Variants in HSD11B1 observed in about 807,000 individuals in gnomAD.
HSD11B1 encodes the protein hydroxysteroid 11-beta dehydrogenase 1.
A neutral mutation model predicts 22.1 loss-of-function variants in HSD11B1; 15 were observed. The ratio of observed to expected loss-of-function variants is 0.68; its 90% confidence interval spans 0.45 to 1.04. The LOEUF (loss-of-function observed/expected upper bound fraction) is 1.04, where lower values mean the gene tolerates loss of function less well. Ranked by LOEUF, HSD11B1 falls within the 50% of genes least tolerant of loss-of-function variation. The pLI is 0.00. For missense variants in HSD11B1, 281 were observed against 357.6 expected, an observed-to-expected ratio of 0.79 and a Z score of 1.73; for synonymous variants, 122 against 125.2, an observed-to-expected ratio of 0.97 and a Z score of 0.17.
At chr1:209,687,083 A>T (rs962669764) in intron 1 of HSD11B1, among the ~76,000 whole-genome samples, 2 of 152,220 alleles carry the variant, frequency 1.3e-5, no homozygotes, top group African/African-American at 4.8e-5. Context: ...ACTTGCCATC[A>T]ATAGACCATA....
At chr1:209,701,196 C>T (rs911172375), upstream of HSD11B1, among the ~76,000 whole-genome samples, 5 of 152,132 alleles carry the variant, frequency 3.3e-5, no homozygotes, top group African/African-American at 1.2e-4. Context: ...AAGACATACC[C>T]GAAACCAGGA....
Position 209,706,974 on chromosome 1 carries a change from C to A in HSD11B1, c.363C>A (p.Ile121=), listed in dbSNP as rs1669872597. 6.2e-6 allele frequency: 10 copies of A among 1,614,162 alleles called. No individual in the cohort carries two copies. Among genetic ancestry groups the A allele is most frequent in the Non-Finnish European group, 8.5e-6 (10 of 1,179,974 alleles). The change falls in exon 4 of 6, where the codon ATC becomes ATA. Residue 121 remains isoleucine, a synonymous_variant. Transcript: ENST00000367027. This position sits in a 1 kb window ranked among gnomAD's most constrained non-coding sequence, Gnocchi z 4.0. ...TAGACATGCTCATTCTCAACCACAT[C>A]ACCAACACTTCTTTGAATCTTTTTC... The part of the protein sequence containing the change: ...GGLDMLILNH[I]TNTSLNLFHD...
chr1:209,688,989 T>A (rs1475268750), intron 1 of HSD11B1, among the ~76,000 whole-genome samples: 1 of 151,808 alleles, frequency 6.6e-6, no homozygotes. Context: ...CAGGTGGGGG[T>A]AAACATAGCA....
intron 4 of HSD11B1, among the ~76,000 whole-genome samples, chr1:209,709,769 T>C (rs1323434654): frequency 6.6e-6 from 1 of 152,212 alleles, no homozygotes; most frequent in Admixed American, 6.5e-5. Flanking sequence ...CTGGCTGCAA[T>C]TGTTATCTTT....
intron 4 of HSD11B1, among the ~76,000 whole-genome samples, chr1:209,720,847 C>A (rs1371241569): frequency 6.6e-6 from 1 of 152,064 alleles, no homozygotes; most frequent in Admixed American, 6.6e-5. Flanking sequence ...ATATCTACAT[C>A]CTACCTGCCT....
chr1:209,698,596 A>G (rs2076807272), intron 1 of HSD11B1, among the ~76,000 whole-genome samples: 1 of 152,180 alleles, frequency 6.6e-6, no homozygotes, highest in Non-Finnish European at 1.5e-5. Flanking sequence ...CAGACCTTCC[A>G]TTGAATAACT....
chr1:209,699,547 G>A (rs1244573453), intron 1 of HSD11B1, among the ~76,000 whole-genome samples: 1 of 152,066 alleles, frequency 6.6e-6, no homozygotes, highest in African/African-American at 2.4e-5. Flanking sequence ...GGAATTCTGG[G>A]AGACACAATT....
intron 1 of HSD11B1, among the ~76,000 whole-genome samples, chr1:209,692,245 C>T (rs1002538574): frequency 3.9e-5 from 6 of 152,086 alleles, no homozygotes; most frequent in African/African-American, 1.4e-4. Flanking sequence ...GGTATGTCTA[C>T]AGGTTACTTT....
Position 209,706,698 on chromosome 1 carries a change from T to C in HSD11B1, c.220-11T>C. On this transcript the variant is annotated splice_polypyrimidine_tract_variant and intron_variant, in intron 2 of 5. Coordinates refer to ENST00000367027, the MANE Select transcript of HSD11B1 (RefSeq NM_005525.4). The surrounding 1 kb of genome is among the most constrained non-coding windows in gnomAD (Gnocchi z 4.0). ...GCTAAGACTGATGCCATTTCTGCTGTATCACTGCAGGTGGTATCCCACTGC... is the reference window on the plus strand; with the variant it reads ...GCTAAGACTGATGCCATTTCTGCTGCATCACTGCAGGTGGTATCCCACTGC... 1 of 1,595,838 alleles carries C rather than the reference T, an allele frequency of 6.3e-7. No homozygotes were observed. The highest frequency in any genetic ancestry group is 8.6e-7 in the Non-Finnish European group (1 of 1,163,922).
At chr1:209,714,084 C>A (rs1320290935) in intron 4 of HSD11B1, among the ~76,000 whole-genome samples, 2 of 152,158 alleles carry the variant, frequency 1.3e-5, no homozygotes, top group Non-Finnish European at 2.9e-5. Context: ...AGGCACTATG[C>A]CAGATGCCAA....
upstream of HSD11B1, among the ~76,000 whole-genome samples, chr1:209,700,549 T>C (rs781439890): frequency 6.6e-6 from 1 of 152,240 alleles, no homozygotes; most frequent in Non-Finnish European, 1.5e-5. Context: ...GGGGCTGCCA[T>C]GAAGGTCTCT....
At chr1:209,716,731 T>C (rs2076932777) in intron 4 of HSD11B1, among the ~76,000 whole-genome samples, 1 of 151,996 alleles carries the variant, frequency 6.6e-6, no homozygotes, top group Non-Finnish European at 1.5e-5. Context: ...TGGACAAGAA[T>C]AGAGAACCCA....
chr1:209,704,970 C>T lies in HSD11B1; in HGVS notation c.28C>T (p.Pro10Ser), dbSNP rs1173776380. ...GGCTTTTATGAAAAAATATCTCCTC[C>T]CCATTCTGGGGCTCTTCATGGCCTA... is the stretch of plus-strand genomic sequence containing the variant. MAFMKKYLL[P>S]ILGLFMAYYY... Residue 10 changes from proline to serine, a missense_variant, in exon 1 of 6, where the codon CCC becomes TCC. Pro to Ser is a moderately conservative substitution (Grantham distance 74, BLOSUM62 -1). Transcript: ENST00000367027. 1 of 1,613,922 alleles carries T rather than the reference C, an allele frequency of 6.2e-7. No homozygotes were observed. The highest frequency in any genetic ancestry group is 1.3e-5 in the African/African-American group (1 of 75,040).
intron 4 of HSD11B1, among the ~76,000 whole-genome samples, chr1:209,721,438 CTTT>C (rs1425437893): frequency 7.3e-5 from 10 of 137,008 alleles, no homozygotes; most frequent in African/African-American, 1.5e-4. Flanking sequence ...ATTCTTGCAA[CTTT>C]TCTTTAAGTT....
intron 1 of HSD11B1, among the ~76,000 whole-genome samples, chr1:209,698,754 AG>A (rs536061231): frequency 2.2e-4 from 34 of 152,374 alleles, no homozygotes; most frequent in African/African-American, 7.9e-4. Flanking sequence ...TAAAAACAAC[AG>A]AATTTTTTTG....
chr1:209,730,870 A>G (rs2077031360), intron 4 of HSD11B1, among the ~76,000 whole-genome samples: 1 of 152,342 alleles, frequency 6.6e-6, no homozygotes, highest in Non-Finnish European at 1.5e-5. Context: ...TAAGCTTTTG[A>G]CAAAATATCG....
intron 4 of HSD11B1, among the ~76,000 whole-genome samples, chr1:209,707,363 AG>A (rs1476677622): frequency 3.9e-5 from 6 of 152,202 alleles, no homozygotes; most frequent in Non-Finnish European, 8.8e-5. Flanking sequence ...AAGGGACTTG[AG>A]GGGCTGCTGG....
At chr1:209,701,861 A>G (rs1304457468), upstream of HSD11B1, among the ~76,000 whole-genome samples, 2 of 152,036 alleles carry the variant, frequency 1.3e-5, no homozygotes, top group Non-Finnish European at 2.9e-5. Context: ...TTCAGCCCCT[A>G]TGTTCTTCTC....
chr1:209,732,526 T>A lies in HSD11B1; in HGVS notation c.608T>A (p.Val203Glu). 1 of 1,613,958 alleles carries A rather than the reference T, an allele frequency of 6.2e-7. No homozygotes were observed. Among genetic ancestry groups the A allele is most frequent in the Non-Finnish European group, 8.5e-7 (1 of 1,179,826 alleles). Residue 203 changes from valine to glutamate, a missense_variant, in exon 5 of 6, where the codon GTG becomes GAG. Physicochemically the swap from Val to Glu is moderately radical, Grantham distance 121. Transcript: ENST00000367027. ...TCCTCCATCAGAAAGGAATATTCAG[T>A]GTCCAGGGTCAATGTATCAATCACT... ...FFSSIRKEYS[V>E]SRVNVSITLC...
Sources: gnomAD v4.1 joint callset for allele counts (sites outside exome capture counted in the v4.1 genomes callset) on GRCh38, gnomAD v4.1.1 for gene constraint, Gnocchi (gnomAD v3.1) non-coding constraint, MANE v1.5 for transcripts, NCBI Gene and HGNC (gene_info 2026-07-23, HGNC 2026-07-21) for gene names.